CSRNP1: variants seen among roughly 807,000 people sequenced by gnomAD.
The protein encoded by CSRNP1 is cysteine and serine rich nuclear protein 1.
In CSRNP1, 8 loss-of-function variants were observed where a neutral mutation model predicts 25.0. That is an observed-to-expected ratio of 0.32 (90% confidence interval 0.19 to 0.58). CSRNP1 has a LOEUF of 0.58. Ranked by LOEUF, CSRNP1 falls within the 20% of genes least tolerant of loss-of-function variation. The probability of loss-of-function intolerance (pLI) is 0.88; values close to 1 mark genes in which losing one functional copy is unlikely to be tolerated. For missense variants in CSRNP1, 691 were observed against 773.1 expected (o/e 0.89, Z 1.26); for synonymous variants, 305 against 303.1 (o/e 1.01, Z -0.06).
In CSRNP1 at chr3:39,143,430, G is replaced by A; in HGVS notation, c.1395C>T (p.Phe465=). ...DENANLDASC[F]LNGGLEGSRE... ...TTGACCCTTCAAGGCCACCATTTAG[G>A]AAGCAGCTGGCATCCAGGTTGGCAT... Residue 465 remains phenylalanine, a synonymous_variant, in exon 5 of 5, where the codon TTC becomes TTT. Coordinates refer to ENST00000273153, the MANE Select transcript of CSRNP1 (RefSeq NM_033027.4). The A allele has an allele frequency of 6.2e-7, 1 of 1,614,194 alleles. No homozygotes were observed. The highest frequency in any genetic ancestry group is 8.5e-7 in the Non-Finnish European group (1 of 1,180,024).
rs749055582 is a variant in CSRNP1 at position 39,143,775 on chromosome 3, G to A, written c.1050C>T (p.Ser350=). Residue 350 remains serine, a synonymous_variant, in exon 5 of 5, where the codon AGC becomes AGT. Transcript: ENST00000273153. ...NNELGDNSCS[S]DMTDSSTASS... is the part of the protein sequence containing the mutation. ...ATGCTGTAGAAGAATCAGTCATGTC[G>A]CTGCTGCAGCTGTTGTCTCCCAGCT... 11 of 1,613,946 alleles carry A rather than the reference G, an allele frequency of 6.8e-6. No homozygotes were observed. The highest frequency in any genetic ancestry group is 5.3e-5 in the African/African-American group (4 of 74,932).
At position 39,143,062 on chromosome 3, in the gene CSRNP1, G is replaced by A. The variant is rs764432988; in HGVS notation, c.1763C>T (p.Pro588Leu). 28 of 1,572,228 alleles carry A rather than the reference G, an allele frequency of 1.8e-5. No homozygotes were observed. The highest frequency in any genetic ancestry group is 1.1e-4 in the African/African-American group (8 of 73,432). Reference sequence around the variant, plus strand: ...GAAAAGACATCCTGGTCCTCACACCGGCACAGGCTCCATTAGAGATGCTGG... The same window carrying A: ...GAAAAGACATCCTGGTCCTCACACCAGCACAGGCTCCATTAGAGATGCTGG... ...TVPASLMEPV[P>L]V Residue 588 changes from proline (P) to leucine (L), a missense_variant, in exon 5 of 5, where the codon CCG becomes CTG. Coordinates refer to ENST00000273153, the MANE Select transcript of CSRNP1 (RefSeq NM_033027.4).
chr3:39,151,183 T>A (rs1396896100), intron 1 of CSRNP1: 2 of 152,168 alleles, frequency 1.3e-5, no homozygotes, highest in African/African-American at 4.8e-5. Flanking sequence ...CCTAGGGTCC[T>A]GGAGGAAGGA....
At chr3:39,150,997 A>G (rs898680850) in intron 1 of CSRNP1, 3 of 152,214 alleles carry the variant, frequency 2.0e-5, no homozygotes, top group African/African-American at 7.2e-5. Flanking sequence ...GAGGCAGGAG[A>G]TGAAACAAAA....
intron 2 of CSRNP1, among the ~76,000 whole-genome samples, chr3:39,145,633 T>C (rs564423819): frequency 1.3e-5 from 2 of 152,380 alleles, no homozygotes; most frequent in South Asian, 2.1e-4. Context: ...TACAAGTTAA[T>C]GTTTATTGAT....
At position 39,143,437 on chromosome 3, in the gene CSRNP1, C is replaced by T. The variant is rs199812367; in HGVS notation, c.1388G>A (p.Ser463Asn). 40 of 1,614,168 alleles carry T rather than the reference C, an allele frequency of 2.5e-5. No individual in the cohort carries two copies. In the East Asian group the frequency reaches 8.2e-4, roughly 33 times the overall value. ...VLDENANLDA[S>N]CFLNGGLEGS... is the part of the protein sequence containing the mutation. ...TTCAAGGCCACCATTTAGGAAGCAG[C>T]TGGCATCCAGGTTGGCATTCTCATC... The change falls in exon 5 of 5, where the codon AGC (serine) becomes AAC (asparagine). Residue 463 changes from serine (S) to asparagine (N), a missense_variant. Transcript: ENST00000273153.
In CSRNP1 at chr3:39,143,802, A is replaced by G; in HGVS notation, c.1023T>C (p.Asn341=). ...TGCTGCAGCTGTTGTCTCCCAGCTC[A>G]TTGTTCATGGGGGGCTTGGCCAGTG... is the stretch of plus-strand genomic sequence containing the variant. ...TFPLAKPPMN[N]ELGDNSCSSD... is the part of the protein sequence containing the mutation. The change falls in exon 5 of 5, where the codon AAT becomes AAC. Residue 341 remains asparagine, a synonymous_variant. Transcript: ENST00000273153. The G allele has an allele frequency of 1.2e-6, 2 of 1,614,200 alleles. No individual in the cohort carries two copies. The highest frequency in any genetic ancestry group is 1.3e-5 in the African/African-American group (1 of 75,050).
rs372981794 is a variant in CSRNP1, at chr3:39,143,648, G to A, written c.1177C>T (p.Arg393Cys). 3.1e-5 allele frequency: 50 copies of A among 1,613,992 alleles called. No homozygotes were observed. The highest frequency in any genetic ancestry group is 2.8e-4 in the African/African-American group (21 of 74,896). The change falls in exon 5 of 5, where the codon CGC (arginine) becomes TGC (cysteine). Residue 393 changes from arginine (R) to cysteine (C), a missense_variant. Transcript: ENST00000273153. ...QPGVDDDSLA[R>C]ILSFSDSDFG... is the part of the protein sequence containing the mutation. Reference sequence around the variant, plus strand: ...TCAGAGTCACTGAAACTCAAGATGCGTGCCAGGCTGTCATCATCAACGCCA... The same window carrying A: ...TCAGAGTCACTGAAACTCAAGATGCATGCCAGGCTGTCATCATCAACGCCA...
chr3:39,145,276 G>A lies in CSRNP1; in HGVS notation c.206-20C>T. ...ACAGGGCTAGAAAGCAGGCAAAGAT[G>A]GGCTGGGGATTAGTTTTCAGTGAGG... is the stretch of plus-strand genomic sequence containing the variant. On this transcript the variant is annotated intron_variant, in intron 2 of 4. Transcript: ENST00000273153. The A allele has an allele frequency of 6.5e-7, 1 of 1,545,228 alleles. No homozygotes were observed. The highest frequency in any genetic ancestry group is 8.8e-7 in the Non-Finnish European group (1 of 1,141,994).
chr3:39,145,938 A>G (rs1001019223), intron 2 of CSRNP1, among the ~76,000 whole-genome samples: 2 of 152,238 alleles, frequency 1.3e-5, no homozygotes, highest in South Asian at 4.1e-4. Flanking sequence ...GAAAATGTCT[A>G]AATAGGCTTC....
rs771368470 is a variant in CSRNP1, at chr3:39,143,560, C to G, written c.1265G>C (p.Cys422Ser). ...GSVGNLDNLS[C>S]FHPADIFGTS... is the part of the protein sequence containing the mutation. ...ACCAAAGATGTCAGCTGGATGGAAGCAGCTGAGGTTGTCCAGGTTCCCCAC... is the reference window on the plus strand; with the variant it reads ...ACCAAAGATGTCAGCTGGATGGAAGGAGCTGAGGTTGTCCAGGTTCCCCAC... Residue 422 changes from cysteine (C) to serine (S), a missense_variant, in exon 5 of 5, where the codon TGC (cysteine) becomes TCC (serine). Transcript: ENST00000273153. The G allele has an allele frequency of 6.2e-7, 1 of 1,614,118 alleles. No individual in the cohort carries two copies. Among genetic ancestry groups the G allele is most frequent in the African/African-American group, 1.3e-5 (1 of 74,940 alleles).
At chr3:39,151,461 C>T (rs1461778298) in intron 1 of CSRNP1, 3 of 153,352 alleles carry the variant, frequency 2.0e-5, no homozygotes, top group African/African-American at 4.8e-5. Flanking sequence ...GAAGTGGGGG[C>T]GGGGCTTGAA....
chr3:39,146,174 C>T (rs553360556), intron 2 of CSRNP1, among the ~76,000 whole-genome samples: 123 of 152,236 alleles, frequency 8.1e-4, no homozygotes, highest in African/African-American at 2.5e-3. Context: ...ATTTGTAGGA[C>T]GGTAGGGTGC....
chr3:39,149,374 T>C (rs2039555364), intron 1 of CSRNP1: 2 of 152,282 alleles, frequency 1.3e-5, no homozygotes, highest in Admixed American at 1.3e-4. Context: ...AAGTTCTATG[T>C]TGATCTGCAT....
Position 39,143,510 on chromosome 3 carries a change from T to C in CSRNP1, c.1315A>G (p.Ser439Gly). ...FGTSDPGGLA[S>G]WTHSYSGCSF... ...CAGCCAGAATAGCTGTGGGTCCAGCTGGCCAGGCCACCAGGGTCACTAGTA... is the reference window on the plus strand; with the variant it reads ...CAGCCAGAATAGCTGTGGGTCCAGCCGGCCAGGCCACCAGGGTCACTAGTA... The change falls in exon 5 of 5, where the codon AGC becomes GGC. Residue 439 changes from serine (S) to glycine (G), a missense_variant. Ser to Gly is a moderately conservative substitution (Grantham distance 56, BLOSUM62 0). Coordinates refer to ENST00000273153, the MANE Select transcript of CSRNP1 (RefSeq NM_033027.4). The C allele has an allele frequency of 6.2e-7, 1 of 1,614,224 alleles. No homozygotes were observed.
In CSRNP1 at chr3:39,143,694, C is replaced by G; in HGVS notation, c.1131G>C (p.Leu377=). Residue 377 remains leucine, a synonymous_variant, in exon 5 of 5, where the codon CTG becomes CTC. Coordinates refer to ENST00000273153, the MANE Select transcript of CSRNP1 (RefSeq NM_033027.4). ...CGCCAGGCTGGAAGCCAGGGCCAGG[C>G]AGGCCTGGGTGGGTGGGGCAGTCAG... The part of the protein sequence containing the change: ...EAPDCPTHPG[L]PGPGFQPGVD... 6.2e-7 allele frequency: 1 copy of G among 1,614,224 alleles called. No individual in the cohort carries two copies.
intron 1 of CSRNP1, chr3:39,149,419 C>T (rs751815651): frequency 6.6e-6 from 1 of 152,146 alleles, no homozygotes; most frequent in Admixed American, 6.5e-5. Context: ...TGTAAAAATT[C>T]GTCTTATGGA....
intron 1 of CSRNP1, among the ~76,000 whole-genome samples, chr3:39,147,339 C>G (rs1170744167): frequency 6.6e-6 from 1 of 152,164 alleles, no homozygotes; most frequent in Non-Finnish European, 1.5e-5. Context: ...AACAGGCACG[C>G]CACTCTGCAC....
rs2039466582 is a variant in CSRNP1 at position 39,144,146 on chromosome 3, G to A, written c.771C>T (p.Ile257=). The change falls in exon 4 of 5, where the codon ATC becomes ATT. Residue 257 remains isoleucine, a synonymous_variant. Coordinates refer to ENST00000273153, the MANE Select transcript of CSRNP1 (RefSeq NM_033027.4). The part of the protein sequence containing the change: ...PETCSCSLAG[I]KCQMDHTAFP... ...AGTCCAGCCACCACACCTGGCACTT[G>A]ATGCCTGCCAGGCTGCAGCTGCAGG... 1 of 1,612,464 alleles carries A rather than the reference G, an allele frequency of 6.2e-7. No homozygotes were observed. The highest frequency in any genetic ancestry group is 1.1e-5 in the South Asian group (1 of 91,050).
Sources: allele counts gnomAD v4.1 joint callset (sites outside exome capture counted in the v4.1 genomes callset), GRCh38; gene constraint gnomAD v4.1.1; transcripts MANE v1.5; gene names NCBI Gene and HGNC (gene_info 2026-07-23, HGNC 2026-07-21).